The following FHIT variants were observed in gnomAD, a reference collection of about 807,000 sequenced individuals.
The protein encoded by FHIT is bis(5'-adenosyl)-triphosphatase.
In FHIT, 19 loss-of-function variants were observed where a neutral mutation model predicts 17.9. The observed-to-expected ratio is 1.06, with a 90% CI of 0.74 to 1.56. The LOEUF is 1.56. FHIT is among the 40% of genes most tolerant of loss of function. The pLI, the probability that FHIT is intolerant of heterozygous loss-of-function variation, is 0.00. For synonymous variants in FHIT, 81 were observed against 69.7 expected (o/e 1.16, Z -0.81); for missense variants, 248 against 189.2 (o/e 1.31, Z -1.82).
intron 5 of FHIT, among the ~76,000 whole-genome samples, chr3:60,420,426 GAAT>G (rs1026348056): frequency 1.3e-5 from 2 of 151,994 alleles, no homozygotes; most frequent in African/African-American, 4.8e-5. Flanking sequence ...TATCTATACA[GAAT>G]AATTCACAAA....
At chr3:60,476,012 T>C (rs576655930) in intron 5 of FHIT, among the ~76,000 whole-genome samples, 3 of 152,256 alleles carry the variant, frequency 2.0e-5, no homozygotes, top group South Asian at 2.1e-4. Flanking sequence ...ATTCCCGAAA[T>C]AGTAGAGCTG....
At chr3:60,024,728 C>A (rs375526757) in intron 5 of FHIT, among the ~76,000 whole-genome samples, 1 of 152,208 alleles carries the variant, frequency 6.6e-6, no homozygotes, top group African/African-American at 2.4e-5. Flanking sequence ...ACAAGCCAAA[C>A]CAGCTAAGGT....
chr3:60,731,820 T>C (rs1553711316), intron 4 of FHIT, among the ~76,000 whole-genome samples: 1 of 152,212 alleles, frequency 6.6e-6, no homozygotes, highest in Non-Finnish European at 1.5e-5. Context: ...AACAACTGCC[T>C]GACCATCACC....
At chr3:59,766,728 C>T (rs1701814746) in intron 8 of FHIT, among the ~76,000 whole-genome samples, 1 of 152,186 alleles carries the variant, frequency 6.6e-6, no homozygotes, top group Non-Finnish European at 1.5e-5. Flanking sequence ...GAAGGCTTTG[C>T]AGCTCTGTCT....
chr3:60,178,196 T>C (rs1417672613), intron 5 of FHIT, among the ~76,000 whole-genome samples: 1 of 152,182 alleles, frequency 6.6e-6, no homozygotes, highest in Admixed American at 6.5e-5. Flanking sequence ...CATGGGCTTC[T>C]TCAGTGCACA....
intron 5 of FHIT, among the ~76,000 whole-genome samples, chr3:60,226,715 T>C (rs919581667): frequency 4.6e-5 from 7 of 152,036 alleles, no homozygotes; most frequent in Admixed American, 2.0e-4. Context: ...AGGGGACTTA[T>C]GGGGTCACAT....
intron 4 of FHIT, among the ~76,000 whole-genome samples, chr3:60,717,121 G>T (rs782205699): frequency 6.6e-6 from 1 of 152,168 alleles, no homozygotes; most frequent in Non-Finnish European, 1.5e-5. Flanking sequence ...GTAGTAGAAG[G>T]TTGGTTGCCA....
Position 59,749,054 on chromosome 3 carries a change from A to ATCTGACCTTCAGAT in FHIT, c.*517_*530dup, listed in dbSNP as rs1379685527. On this transcript the variant is annotated 3_prime_UTR_variant, in exon 10 of 10. Coordinates refer to ENST00000492590, the MANE Select transcript of FHIT (RefSeq NM_002012.4). ...ACGAAAGCTGGAGAAGGCCAAGTCT[A>ATCTGACCTTCAGAT]TCTGACCTTCAGATTAACAATTTTT... Among the ~76,000 whole-genome samples, 3 of 152,294 alleles carry ATCTGACCTTCAGAT rather than the reference A, an allele frequency of 2.0e-5. No homozygotes were observed. Among genetic ancestry groups the ATCTGACCTTCAGAT allele is most frequent in the African/African-American group, 7.2e-5 (3 of 41,592 alleles).
At chr3:61,085,538 A>G (rs941010543) in intron 2 of FHIT, among the ~76,000 whole-genome samples, 3 of 152,068 alleles carry the variant, frequency 2.0e-5, no homozygotes, top group African/African-American at 7.2e-5. Context: ...ATCAGATATG[A>G]TTTGCAAATA....
At chr3:60,366,109 G>A (rs969274888) in intron 5 of FHIT, among the ~76,000 whole-genome samples, 15 of 152,134 alleles carry the variant, frequency 9.9e-5, no homozygotes, top group Non-Finnish European at 2.1e-4. Context: ...ATGAGTCCTC[G>A]AGAAATCCTA....
intron 4 of FHIT, among the ~76,000 whole-genome samples, chr3:60,539,944 AAT>A (rs911093759): frequency 1.2e-4 from 18 of 150,064 alleles, no homozygotes; most frequent in Admixed American, 4.7e-4. Context: ...GTATAATAAA[AAT>A]ATATATATAT....
chr3:60,033,501 A>C (rs1284231815), intron 5 of FHIT, among the ~76,000 whole-genome samples: 1 of 152,158 alleles, frequency 6.6e-6, no homozygotes, highest in Non-Finnish European at 1.5e-5. Context: ...TCCCAAAAAA[A>C]AAAGAGAGAA....
In FHIT at chr3:60,859,723, A is replaced by ATTTTTTTTTTTTTTTTTTTTTTTTTTT. The variant is rs71092647; in HGVS notation, c.-110-37739_-110-37713dup. On this transcript the variant is annotated intron_variant, in intron 3 of 9. Transcript: ENST00000492590. ...ACATTTGCAGTGGATTCTGAATACG[A>ATTTTTTTTTTTTTTTTTTTTTTTTTTT]TTTTTTTTTTTTTTTTTTTTTTTTT... Among the ~76,000 whole-genome samples the ATTTTTTTTTTTTTTTTTTTTTTTTTTT allele has an allele frequency of 5.8e-5, 3 of 51,926 alleles. 1 individual carries two copies. Among genetic ancestry groups the ATTTTTTTTTTTTTTTTTTTTTTTTTTT allele is most frequent in the Non-Finnish European group, 3.4e-5 (1 of 29,368 alleles). The allele number at this position is 51,926 out of a possible 152,430, so 34.1% of individuals were successfully genotyped here. A position where few individuals can be genotyped will look rare whatever the true frequency, so the allele number is the denominator to read the frequency against.
At chr3:60,448,846 T>C (rs1342907488) in intron 5 of FHIT, among the ~76,000 whole-genome samples, 2 of 152,190 alleles carry the variant, frequency 1.3e-5, no homozygotes, top group Non-Finnish European at 1.5e-5. Context: ...TATAGCTAGT[T>C]GAAATGTGTT....
At chr3:60,323,681 C>T (rs1709537159) in intron 5 of FHIT, among the ~76,000 whole-genome samples, 1 of 152,224 alleles carries the variant, frequency 6.6e-6, no homozygotes, top group Non-Finnish European at 1.5e-5. Flanking sequence ...TTTACATCTG[C>T]TCAGTTCCTC....
At chr3:60,091,008 T>A (rs1703708469) in intron 5 of FHIT, among the ~76,000 whole-genome samples, 1 of 152,212 alleles carries the variant, frequency 6.6e-6, no homozygotes, top group Non-Finnish European at 1.5e-5. Flanking sequence ...ATGTTCAGAC[T>A]GACAACTAGG....
intron 4 of FHIT, among the ~76,000 whole-genome samples, chr3:60,631,647 C>T (rs944351069): frequency 1.2e-4 from 18 of 152,186 alleles, no homozygotes; most frequent in African/African-American, 4.3e-4. Context: ...GAGGCACTGT[C>T]TAATTCAGAG....
At chr3:60,316,586 G>C (rs1709176952) in intron 5 of FHIT, among the ~76,000 whole-genome samples, 1 of 152,080 alleles carries the variant, frequency 6.6e-6, no homozygotes, top group Non-Finnish European at 1.5e-5. Context: ...CCTTGTCATT[G>C]AGCTAAATGC....
intron 5 of FHIT, among the ~76,000 whole-genome samples, chr3:60,079,490 C>T (rs1038190432): frequency 6.6e-6 from 1 of 151,864 alleles, no homozygotes; most frequent in Non-Finnish European, 1.5e-5. Context: ...CCCTCTGCTC[C>T]CTGCTCCCAC....
Sources: allele counts gnomAD v4.1 joint callset (sites outside exome capture counted in the v4.1 genomes callset), GRCh38; gene constraint gnomAD v4.1.1; transcripts MANE v1.5; gene names NCBI Gene and HGNC (gene_info 2026-07-23, HGNC 2026-07-21).